The following CACNG5 variants were observed in gnomAD, a reference collection of about 807,000 sequenced individuals.
CACNG5 encodes voltage-dependent calcium channel gamma-5 subunit.
In CACNG5, 18 loss-of-function variants were observed where a neutral mutation model predicts 24.8. The ratio of observed to expected loss-of-function variants is 0.73; its 90% CI spans 0.50 to 1.08. The LOEUF (loss-of-function observed/expected upper bound fraction) is 1.08. CACNG5 is among the 50% of genes least tolerant of loss of function. The pLI is 0.00. For synonymous variants in CACNG5, 157 were observed against 149.1 expected (o/e 1.05, Z -0.39); for missense variants, 349 against 367.9 (o/e 0.95, Z 0.42).
chr17:66,846,208 A>G (rs1205697504), intron 1 of CACNG5, among the ~76,000 whole-genome samples: 1 of 152,222 alleles, frequency 6.6e-6, no homozygotes, highest in East Asian at 1.9e-4. Flanking sequence ...TTTGATATAA[A>G]TAGATGCAGT....
chr17:66,869,023 T>C (rs1976966991), intron 1 of CACNG5, among the ~76,000 whole-genome samples: 1 of 152,158 alleles, frequency 6.6e-6, no homozygotes, highest in Non-Finnish European at 1.5e-5. Context: ...AAATTTACCT[T>C]ATTAAATCTG....
chr17:66,840,655 G>C lies in CACNG5; in HGVS notation c.-104+5405G>C, dbSNP rs116411577. 6.6e-3 allele frequency among the ~76,000 whole-genome samples: 1,011 copies of C among 152,292 alleles called. 16 individuals are homozygous for C. The highest frequency in any genetic ancestry group is 0.023 in the African/African-American group (954 of 41,550). On this transcript the variant is annotated intron_variant, in intron 1 of 5. Coordinates refer to ENST00000533854, the MANE Select transcript of CACNG5 (RefSeq NM_145811.3). ...TGGGTTTTAAAAATACCCCAGAGTT[G>C]AAAAACGAGAAGCAGCTGCTGGTAT...
At chr17:66,854,526 C>T in intron 1 of CACNG5, among the ~76,000 whole-genome samples, 1 of 151,354 alleles carries the variant, frequency 6.6e-6, no homozygotes, top group African/African-American at 2.4e-5. Flanking sequence ...AACCCCATCT[C>T]TACTAAAAAC....
At position 66,860,633 on chromosome 17, in the gene CACNG5, G is replaced by GAAAA. The variant is rs4021789; in HGVS notation, c.-103-16588_-103-16585dup. Among the ~76,000 whole-genome samples the GAAAA allele has an allele frequency of 3.6e-3, 538 of 147,882 alleles. 7 individuals are homozygous for GAAAA. The highest frequency in any genetic ancestry group is 0.011 in the African/African-American group (462 of 40,178). On this transcript the variant is annotated intron_variant, in intron 1 of 5. Transcript: ENST00000533854. ...GTGTTGCTGGAAGAGCCACTTGACA[G>GAAAA]AAAAAAAAAAAATGCTAAAAGAAGG...
At position 66,888,157 on chromosome 17, in the gene CACNG5, C is replaced by A. The variant is rs1265427492; in HGVS notation, c.*2917C>A. Among the ~76,000 whole-genome samples, 3 of 151,646 alleles carry A rather than the reference C, an allele frequency of 2.0e-5. No homozygotes were observed. Among genetic ancestry groups the A allele is most frequent in the African/African-American group, 7.3e-5 (3 of 41,242 alleles). ...CAGAGAACAATCTGACATTGGTTCC[C>A]CCACACCTGGAACTTACTACCCTAC... On this transcript the variant is annotated 3_prime_UTR_variant, in exon 6 of 6. Coordinates refer to ENST00000533854, the MANE Select transcript of CACNG5 (RefSeq NM_145811.3).
At chr17:66,853,767 A>G (rs866503016) in intron 1 of CACNG5, among the ~76,000 whole-genome samples, 8 of 152,222 alleles carry the variant, frequency 5.3e-5, no homozygotes, top group African/African-American at 1.7e-4. Context: ...AAACAAAAAC[A>G]AAAACAAAAC....
At chr17:66,840,779 C>T in intron 1 of CACNG5, among the ~76,000 whole-genome samples, 1 of 152,156 alleles carries the variant, frequency 6.6e-6, no homozygotes, top group South Asian at 2.1e-4. Flanking sequence ...CAGCGAGACC[C>T]CAGGAAGGAA....
In CACNG5 at chr17:66,893,325, G is replaced by A. The variant is rs529267874; in HGVS notation, c.*8085G>A. On this transcript the variant is annotated 3_prime_UTR_variant, in exon 6 of 6. Coordinates refer to ENST00000533854, the MANE Select transcript of CACNG5 (RefSeq NM_145811.3). ...TAAATGCAAACAACGGTGATGTGTC[G>A]TTTCCTGAAAGCCTCTACACGTTAA... 6.6e-5 allele frequency among the ~76,000 whole-genome samples: 10 copies of A among 152,276 alleles called. No individual in the cohort carries two copies. The highest frequency in any genetic ancestry group is 6.2e-4 in the South Asian group (3 of 4,826).
intron 1 of CACNG5, among the ~76,000 whole-genome samples, chr17:66,867,981 C>T (rs1976953141): frequency 6.6e-6 from 1 of 152,126 alleles, no homozygotes; most frequent in African/African-American, 2.4e-5. Flanking sequence ...GCAAAGAAAA[C>T]AATGATATAA....
chr17:66,841,974 G>C (rs1976575474), intron 1 of CACNG5, among the ~76,000 whole-genome samples: 1 of 152,218 alleles, frequency 6.6e-6, no homozygotes, highest in Non-Finnish European at 1.5e-5. Flanking sequence ...AGATGGAGCT[G>C]TGGAGCCAAG....
At chr17:66,859,591 C>T (rs1976828236) in intron 1 of CACNG5, among the ~76,000 whole-genome samples, 2 of 152,094 alleles carry the variant, frequency 1.3e-5, no homozygotes, top group Non-Finnish European at 2.9e-5. Flanking sequence ...TTCTGCACGG[C>T]GCCGAGGCTG....
intron 1 of CACNG5, among the ~76,000 whole-genome samples, chr17:66,876,992 TGAA>T (rs1977086291): frequency 6.6e-6 from 1 of 151,338 alleles, no homozygotes; most frequent in African/African-American, 2.5e-5. Context: ...AATGAATGAA[TGAA>T]TGAATGAATG....
intron 1 of CACNG5, among the ~76,000 whole-genome samples, chr17:66,871,925 A>G (rs1015084921): frequency 1.2e-4 from 19 of 152,330 alleles, no homozygotes; most frequent in Admixed American, 5.2e-4. Flanking sequence ...CCAGCCCTCA[A>G]AAGATGACAC....
At chr17:66,884,426 C>T (rs796944893) in intron 4 of CACNG5, 90 bp from the exon 5 acceptor site, 5 of 1,393,912 alleles carry the variant, frequency 3.6e-6, no homozygotes, top group Non-Finnish European at 4.9e-6. Context: ...GGTGGCTTTG[C>T]TCCTGAATTG....
chr17:66,872,166 T>C (rs1211874424), intron 1 of CACNG5, among the ~76,000 whole-genome samples: 2 of 152,222 alleles, frequency 1.3e-5, no homozygotes, highest in Non-Finnish European at 2.9e-5. Flanking sequence ...GGTTATTTCT[T>C]TCCAGTCTGT....
In CACNG5 at chr17:66,844,075, T is replaced by C. The variant is rs193220609; in HGVS notation, c.-104+8825T>C. ...AGCCAGATGCTTGCAAGAGCATGGGTCACCGGTGTTCTCTGATAGGAGGTA... is the reference window on the plus strand; with the variant it reads ...AGCCAGATGCTTGCAAGAGCATGGGCCACCGGTGTTCTCTGATAGGAGGTA... On this transcript the variant is annotated intron_variant, in intron 1 of 5. Transcript: ENST00000533854. Among the ~76,000 whole-genome samples, 209 of 152,200 alleles carry C rather than the reference T, an allele frequency of 1.4e-3. 1 individual carries two copies. Among genetic ancestry groups the C allele is most frequent in the African/African-American group, 5.0e-3 (206 of 41,528 alleles).
intron 1 of CACNG5, among the ~76,000 whole-genome samples, chr17:66,862,127 T>G (rs909995590): frequency 9.2e-5 from 14 of 151,976 alleles, no homozygotes; most frequent in Admixed American, 4.6e-4. Context: ...TGGCTGATGG[T>G]GGGTCCGGGA....
At chr17:66,883,539 T>G (rs774141293) in intron 4 of CACNG5, among the ~76,000 whole-genome samples, 5 of 152,254 alleles carry the variant, frequency 3.3e-5, no homozygotes, top group African/African-American at 4.8e-5. Flanking sequence ...TTACAGCTAC[T>G]AATTGATAGA....
At chr17:66,855,530 G>A (rs1976763270) in intron 1 of CACNG5, among the ~76,000 whole-genome samples, 1 of 152,132 alleles carries the variant, frequency 6.6e-6, no homozygotes, top group Non-Finnish European at 1.5e-5. Context: ...TTGTGCATAT[G>A]TATTTTTTTT....
Sources: allele counts gnomAD v4.1 joint callset (sites outside exome capture counted in the v4.1 genomes callset), GRCh38; gene constraint gnomAD v4.1.1; transcripts MANE v1.5; gene names NCBI Gene and HGNC (gene_info 2026-07-23, HGNC 2026-07-21).